Variants in DLG5 observed in about 807,000 individuals in gnomAD.
The protein encoded by DLG5 is discs large MAGUK scaffold protein 5.
DLG5 carries 48 observed loss-of-function variants against 189.8 expected under a neutral mutation model. The observed-to-expected ratio is 0.25, with a 90% CI of 0.20 to 0.32. The LOEUF (loss-of-function observed/expected upper bound fraction) is 0.32, where lower values mean the gene tolerates loss of function less well. DLG5 is among the 10% of genes least tolerant of loss of function. The probability of loss-of-function intolerance (pLI) is 1.00; values close to 1 mark genes in which losing one functional copy is unlikely to be tolerated. For missense variants in DLG5, 2,160 were observed against 2,544.7 expected (o/e 0.85, Z 3.25); for synonymous variants, 1,016 against 1,054.1 (o/e 0.96, Z 0.70).
chr10:77,879,995 A>C (rs1269825477), intron 1 of DLG5, among the ~76,000 whole-genome samples: 1 of 152,094 alleles, frequency 6.6e-6, no homozygotes, highest in Non-Finnish European at 1.5e-5. Context: ...TAAAGTGATG[A>C]GCCTTGATAA....
chr10:77,934,960 C>A, the DLG5 span, among the ~76,000 whole-genome samples: 23 of 151,674 alleles, frequency 1.5e-4, no homozygotes, highest in Non-Finnish European at 2.4e-4. Context: ...CTGGCTCATG[C>A]CATTCTCCTG....
chr10:77,910,987 GAAAAAAAAAAA>G lies in DLG5; in HGVS notation c.304+15219_304+15229del, dbSNP rs55832630. Reference sequence around the variant, plus strand: ...TGACAGAGCGAGATTCTGTCTGAAGGAAAAAAAAAAAAAAAAAAAAAACATAAACAGGAAAA... The same window carrying G: ...TGACAGAGCGAGATTCTGTCTGAAGGAAAAAAAAAAACATAAACAGGAAAA... On this transcript the variant is annotated intron_variant, in intron 1 of 31. Transcript: ENST00000372391. 1.0e-2 allele frequency among the ~76,000 whole-genome samples: 839 copies of G among 84,278 alleles called. 10 individuals carry two copies. The highest frequency in any genetic ancestry group is 0.033 in the African/African-American group (788 of 24,030). The allele number at this position is 84,278 out of a possible 152,430, so 55.3% of individuals were successfully genotyped here.
chr10:77,900,629 G>A (rs113307586), intron 1 of DLG5, among the ~76,000 whole-genome samples: 10 of 151,546 alleles, frequency 6.6e-5, no homozygotes, highest in East Asian at 1.9e-4. Flanking sequence ...GTGAAACCCC[G>A]TCTCTACTAA....
intron 1 of DLG5, among the ~76,000 whole-genome samples, chr10:77,921,715 A>G (rs1161967319): frequency 1.3e-5 from 2 of 152,220 alleles, no homozygotes; most frequent in Non-Finnish European, 2.9e-5. Context: ...ACCAAGTCCC[A>G]GCACATTCGT....
chr10:77,808,062 T>C, intron 24 of DLG5, 118 bp from the exon 25 acceptor site: 2 of 1,218,658 alleles, frequency 1.6e-6, no homozygotes, highest in Non-Finnish European at 2.3e-6. Context: ...TAACTGAGAC[T>C]CTGGCTACCT....
At chr10:77,853,257 C>A in intron 5 of DLG5, 97 bp downstream of exon 5, 1 of 1,201,558 alleles carries the variant, frequency 8.3e-7, no homozygotes, top group African/African-American at 1.5e-5. Flanking sequence ...TGTGAGCCAA[C>A]GTGCCCGGCC....
intron 1 of DLG5, among the ~76,000 whole-genome samples, chr10:77,891,316 G>C (rs1046180961): frequency 6.6e-6 from 1 of 152,136 alleles, no homozygotes; most frequent in Non-Finnish European, 1.5e-5. Context: ...TTTATGTGCC[G>C]CAAGGAGCTC....
chr10:77,877,548 A>T (rs1241246630), intron 1 of DLG5, among the ~76,000 whole-genome samples: 1 of 152,104 alleles, frequency 6.6e-6, no homozygotes, highest in Non-Finnish European at 1.5e-5. Flanking sequence ...GCCGGGCTGC[A>T]GGTTGGGGAT....
chr10:77,916,759 G>T (rs1298213210), intron 1 of DLG5, among the ~76,000 whole-genome samples: 1 of 151,554 alleles, frequency 6.6e-6, no homozygotes, highest in Non-Finnish European at 1.5e-5. Context: ...TTCACTTCTG[G>T]GTATAAACCC....
At position 77,806,924 on chromosome 10, in the gene DLG5, G is replaced by C; in HGVS notation, c.4801C>G (p.Leu1601Val). The C allele has an allele frequency of 1.2e-6, 2 of 1,613,130 alleles. No homozygotes were observed. The highest frequency in any genetic ancestry group is 1.7e-6 in the Non-Finnish European group (2 of 1,179,128). Residue 1601 changes from leucine to valine, a missense_variant, in exon 26 of 32, where the codon CTG becomes GTG. Leu to Val is a conservative substitution (Grantham distance 32). Coordinates refer to ENST00000372391, the MANE Select transcript of DLG5 (RefSeq NM_004747.4). ...LPGDSFYIRA[L>V]YDRLADVEQE... ...TCCACATCTGCCAGCCGGTCGTACAGGGCCCTGGACCACAGCACAGAAGGA... is the reference window on the plus strand; with the variant it reads ...TCCACATCTGCCAGCCGGTCGTACACGGCCCTGGACCACAGCACAGAAGGA...
At chr10:77,847,024 C>G (rs1195985561) in intron 5 of DLG5, among the ~76,000 whole-genome samples, 1 of 152,108 alleles carries the variant, frequency 6.6e-6, no homozygotes, top group Non-Finnish European at 1.5e-5. Flanking sequence ...TTGCAGTCCC[C>G]TGAATGGCTA....
chr10:77,823,553 A>G (rs1842471114), intron 14 of DLG5, among the ~76,000 whole-genome samples: 2 of 149,278 alleles, frequency 1.3e-5, no homozygotes, highest in Non-Finnish European at 3.0e-5. Flanking sequence ...TTTTTGAGAC[A>G]GAGGTTCGCT....
Position 77,878,721 on chromosome 10 carries a change from T to G in DLG5, c.305-9524A>C, listed in dbSNP as rs555793979. 1.2e-4 allele frequency among the ~76,000 whole-genome samples: 18 copies of G among 152,316 alleles called. No individual in the cohort carries two copies. The South Asian group carries it at 2.1e-3, about 18-fold the overall frequency. ...TCCTCTCCCCTCCCACCATTCCACG[T>G]GGCCATGGCAATTCCAAGCCATCCC... is the stretch of plus-strand genomic sequence containing the variant. On this transcript the variant is annotated intron_variant, in intron 1 of 31. Transcript: ENST00000372391.
intron 1 of DLG5, among the ~76,000 whole-genome samples, chr10:77,878,273 A>G (rs1430684169): frequency 1.3e-5 from 2 of 152,216 alleles, no homozygotes; most frequent in Non-Finnish European, 2.9e-5. Context: ...GACCTCAAAT[A>G]AGTTGCTTCT....
chr10:77,923,444 A>T (rs970158109), intron 1 of DLG5, among the ~76,000 whole-genome samples: 1 of 152,228 alleles, frequency 6.6e-6, no homozygotes, highest in Admixed American at 6.5e-5. Flanking sequence ...CCTACAACAC[A>T]GCAATTTACC....
At chr10:77,897,287 C>T (rs1228076974) in intron 1 of DLG5, among the ~76,000 whole-genome samples, 3 of 151,962 alleles carry the variant, frequency 2.0e-5, no homozygotes, top group Non-Finnish European at 4.4e-5. Context: ...ACCTGGGAGG[C>T]GAAGGTTGCA....
chr10:77,809,918 G>T lies in DLG5; in HGVS notation c.4464-188C>A, dbSNP rs140573955. Among the ~76,000 whole-genome samples the T allele has an allele frequency of 2.2e-3, 337 of 152,280 alleles. 3 individuals carry two copies. The highest frequency in any genetic ancestry group is 7.1e-3 in the African/African-American group (293 of 41,548). On this transcript the variant is annotated intron_variant, in intron 23 of 31. Coordinates refer to ENST00000372391, the MANE Select transcript of DLG5 (RefSeq NM_004747.4). The stretch of plus-strand genomic sequence containing the variant: ...CAGGATGCTAAGGTGCACTGGAGAT[G>T]AAGGCAAGACCCCAGGTCCAAAGCC...
Position 77,796,535 on chromosome 10 carries a change from C to T in DLG5, c.5224G>A (p.Val1742Ile), listed in dbSNP as rs1385889493. The T allele has an allele frequency of 6.2e-7, 1 of 1,614,210 alleles. No homozygotes were observed. The highest frequency in any genetic ancestry group is 1.7e-5 in the Admixed American group (1 of 60,032). Residue 1742 changes from valine (V) to isoleucine (I), a missense_variant, in exon 28 of 32, where the codon GTC becomes ATC. Coordinates refer to ENST00000372391, the MANE Select transcript of DLG5 (RefSeq NM_004747.4). This position sits in a 1 kb window ranked among gnomAD's most constrained non-coding sequence, Gnocchi z 5.2. The stretch of plus-strand genomic sequence containing the variant: ...TCCAGCAAAGGCCCCAGAATCAGGA[C>T]AGGCCTCAGAGCGGTGCAGTCCACC... ...QKVDCTALRP[V>I]LILGPLLDVV...
intron 1 of DLG5, among the ~76,000 whole-genome samples, chr10:77,885,558 A>G (rs1845412427): frequency 6.6e-6 from 1 of 152,178 alleles, no homozygotes; most frequent in African/African-American, 2.4e-5. Context: ...GCCAGCCCCC[A>G]AAGATTCCAG....
Sources: gnomAD v4.1 joint callset for allele counts (sites outside exome capture counted in the v4.1 genomes callset) on GRCh38, gnomAD v4.1.1 for gene constraint, Gnocchi (gnomAD v3.1) non-coding constraint, MANE v1.5 for transcripts, NCBI Gene and HGNC (gene_info 2026-07-23, HGNC 2026-07-21) for gene names.